The following SCN11A variants were observed in gnomAD, a reference collection of about 807,000 sequenced individuals.
SCN11A encodes the protein sodium voltage-gated channel alpha subunit 11.
Under a neutral mutation model 162.2 loss-of-function variants are expected in SCN11A, and 122 were observed. That is an observed-to-expected ratio of 0.75 (90% CI 0.65 to 0.87). The LOEUF is 0.87. SCN11A is among the 40% of genes least tolerant of loss of function. SCN11A has a pLI of 0.00. For synonymous variants in SCN11A, 758 were observed against 751.5 expected, an observed-to-expected ratio of 1.01 and a Z score of -0.14; for missense variants, 2,015 against 2,181.6, an observed-to-expected ratio of 0.92 and a Z score of 1.52.
chr3:38,907,529 T>A (rs72871238), intron 14 of SCN11A, among the ~76,000 whole-genome samples: 10,184 of 151,912 alleles, frequency 0.067, 1,104 homozygotes, highest in African/African-American at 0.23. Context: ...CTGGGATCAC[T>A]TCCCAAATAA....
chr3:39,003,693 T>C (rs1348834085), intron 2 of SCN11A, among the ~76,000 whole-genome samples: 1 of 152,222 alleles, frequency 6.6e-6, no homozygotes, highest in Non-Finnish European at 1.5e-5. Flanking sequence ...CAGCATCTGT[T>C]CTTTTTTTAC....
chr3:38,895,083 C>T, intron 18 of SCN11A, 119 bp from the exon 19 acceptor site: 1 of 800,422 alleles, frequency 1.2e-6, no homozygotes, highest in East Asian at 2.7e-5. Context: ...GTTTTATGTC[C>T]CACTGTCTCC....
Position 39,007,331 on chromosome 3 carries a change from T to C in SCN11A, c.-280+25049A>G, listed in dbSNP as rs2031006362. On this transcript the variant is annotated intron_variant, in intron 2 of 29. Transcript: ENST00000302328. ...AAAACCCTTGTAATTTCCTGAGTGA[T>C]AGGAGCACCTTTTGTTATAACATTG... Among the ~76,000 whole-genome samples the C allele has an allele frequency of 2.0e-5, 3 of 152,244 alleles. No homozygotes were observed. In the South Asian group the frequency reaches 6.2e-4, roughly 31 times the overall value.
In SCN11A at chr3:38,886,166, A is replaced by C. The variant is rs746549697; in HGVS notation, c.2908T>G (p.Ser970Ala). The C allele has an allele frequency of 4.5e-5, 73 of 1,612,892 alleles. No individual in the cohort carries two copies. The highest frequency in any genetic ancestry group is 6.1e-5 in the Non-Finnish European group (72 of 1,179,814). Residue 970 changes from serine (S) to alanine (A), a missense_variant, in exon 20 of 30, where the codon TCT (serine) becomes GCT (alanine). Transcript: ENST00000302328. ...ATGGTCAGATGAGGCTCATCTTCAG[A>C]GAACATGTCAATTTCCACACTTTGA... ...RVQSVEIDMF[S>A]EDEPHLTIQD...
chr3:39,038,102 C>T (rs1207510608), intron 1 of SCN11A, among the ~76,000 whole-genome samples: 1 of 152,158 alleles, frequency 6.6e-6, no homozygotes, highest in African/African-American at 2.4e-5. Context: ...TTCCACTCCC[C>T]ATGAGGAAGA....
intron 2 of SCN11A, among the ~76,000 whole-genome samples, chr3:39,005,131 T>C (rs989036786): frequency 6.6e-6 from 1 of 152,342 alleles, no homozygotes; most frequent in African/African-American, 2.4e-5. Flanking sequence ...TGTTCTTCTA[T>C]ACAATGTCTG....
At chr3:38,989,042 A>AGTAAG (rs2030366451) in intron 2 of SCN11A, among the ~76,000 whole-genome samples, 1 of 152,104 alleles carries the variant, frequency 6.6e-6, no homozygotes, top group African/African-American at 2.4e-5. Context: ...CAACCATTAG[A>AGTAAG]GTAAGGTGGA....
rs1460496815 is a variant in SCN11A, at chr3:38,870,156, G to A, written c.3813+535C>T. On this transcript the variant is annotated intron_variant, in intron 26 of 29. Transcript: ENST00000302328. ...TAGAAACTAGGCTAGATTACTGAGT[G>A]CAATTCCAACTTTGGGAATCTGTGA... 2.0e-5 allele frequency among the ~76,000 whole-genome samples: 3 copies of A among 152,152 alleles called. No individual in the cohort carries two copies. The East Asian group carries it at 5.8e-4, about 29-fold the overall frequency.
At chr3:38,975,568 T>G (rs2066844955) in intron 2 of SCN11A, among the ~76,000 whole-genome samples, 1 of 152,220 alleles carries the variant, frequency 6.6e-6, no homozygotes, top group Non-Finnish European at 1.5e-5. Flanking sequence ...AAACACTTGC[T>G]CAACAAATTG....
intron 18 of SCN11A, 79 bp downstream of exon 18, chr3:38,896,766 A>G (rs2065603264): frequency 8.7e-7 from 1 of 1,143,940 alleles, no homozygotes; most frequent in Admixed American, 2.8e-5. Flanking sequence ...TTACTAGTAA[A>G]GTTTTGCAAA....
At chr3:38,914,153 T>C (rs2065925496) in intron 11 of SCN11A, among the ~76,000 whole-genome samples, 1 of 152,220 alleles carries the variant, frequency 6.6e-6, no homozygotes, top group Non-Finnish European at 1.5e-5. Flanking sequence ...TTTGTTTGTG[T>C]CATTTTTAAT....
chr3:38,930,262 A>G (rs959742981), intron 7 of SCN11A, among the ~76,000 whole-genome samples: 1 of 152,194 alleles, frequency 6.6e-6, no homozygotes, highest in Non-Finnish European at 1.5e-5. Context: ...AAAAAACTCA[A>G]AGCAGCCAAG....
intron 8 of SCN11A, among the ~76,000 whole-genome samples, 171 bp from the exon 9 acceptor site, chr3:38,925,680 G>A (rs1216226422): frequency 6.6e-6 from 1 of 152,222 alleles, no homozygotes; most frequent in Non-Finnish European, 1.5e-5. Flanking sequence ...CAATACCACT[G>A]TTCTTGCTAT....
At chr3:38,995,016 A>C (rs749900439) in intron 2 of SCN11A, among the ~76,000 whole-genome samples, 1 of 152,136 alleles carries the variant, frequency 6.6e-6, no homozygotes, top group Non-Finnish European at 1.5e-5. Flanking sequence ...TCAAAGATAC[A>C]GACACACTTC....
chr3:38,923,392 A>G (rs958260360), intron 9 of SCN11A, among the ~76,000 whole-genome samples: 3 of 152,082 alleles, frequency 2.0e-5, no homozygotes, highest in Admixed American at 1.3e-4. Flanking sequence ...GGACTCATAT[A>G]TACCTAATTT....
At chr3:38,916,934 A>G (rs866350977) in intron 11 of SCN11A, among the ~76,000 whole-genome samples, 1 of 152,204 alleles carries the variant, frequency 6.6e-6, no homozygotes, top group South Asian at 2.1e-4. Flanking sequence ...AGAAGCAAGC[A>G]TGTTGTGATC....
chr3:38,910,816 G>A (rs745846288), intron 11 of SCN11A, among the ~76,000 whole-genome samples: 16 of 151,854 alleles, frequency 1.1e-4, no homozygotes, highest in Non-Finnish European at 2.2e-4. Flanking sequence ...CAAACATTTG[G>A]GCAATGAATA....
intron 14 of SCN11A, among the ~76,000 whole-genome samples, chr3:38,905,791 A>G (rs1244460028): frequency 6.6e-6 from 1 of 152,178 alleles, no homozygotes. Flanking sequence ...GGTTTTTAAA[A>G]CGGTTGGTAA....
intron 11 of SCN11A, among the ~76,000 whole-genome samples, chr3:38,912,940 G>A (rs1043137635): frequency 2.7e-4 from 41 of 152,174 alleles, no homozygotes; most frequent in Non-Finnish European, 1.0e-4. Flanking sequence ...CAATGAACAT[G>A]CATGTGTGTG....
Sources: gnomAD v4.1 joint callset for allele counts (sites outside exome capture counted in the v4.1 genomes callset) on GRCh38, gnomAD v4.1.1 for gene constraint, MANE v1.5 for transcripts, NCBI Gene and HGNC (gene_info 2026-07-23, HGNC 2026-07-21) for gene names.